Variants in ENKD1 observed in about 807,000 individuals in gnomAD.
The protein encoded by ENKD1 is enkurin domain containing 1.
ENKD1 carries 39 observed loss-of-function variants against 35.8 expected under a neutral mutation model. The ratio of observed to expected loss-of-function variants is 1.09; its 90% CI spans 0.84 to 1.42. ENKD1 has a LOEUF of 1.42. ENKD1 is among the 40% of genes most tolerant of loss of function. ENKD1 has a pLI of 0.00. For missense variants in ENKD1, 474 were observed against 471.3 expected, an observed-to-expected ratio of 1.01 and a Z score of -0.05; for synonymous variants, 205 against 198.6, an observed-to-expected ratio of 1.03 and a Z score of -0.27.
At position 67,663,513 on chromosome 16, in the gene ENKD1, GGGCCTC is replaced by G. The variant is rs752804327; in HGVS notation, c.781_786del (p.Glu261_Ala262del). ...GCAGGGTCCGGCTGGCTCTGCTTGC[GGGCCTC>G]GGCCTCCCGCCGCCACAGGTCCCTG... On this transcript the variant is annotated inframe_deletion, in exon 6 of 7. Coordinates refer to ENST00000243878, the MANE Select transcript of ENKD1 (RefSeq NM_032140.3). 1.2e-6 allele frequency: 2 copies of G among 1,612,160 alleles called. No individual in the cohort carries two copies. Among genetic ancestry groups the G allele is most frequent in the Admixed American group, 3.3e-5 (2 of 60,004 alleles).
At chr16:67,664,527 G>T (rs1471640329) in intron 3 of ENKD1, 2 of 334,948 alleles carry the variant, frequency 6.0e-6, no homozygotes, top group Admixed American at 9.2e-5. Flanking sequence ...ACACATTTGT[G>T]TGACCTTGCC....
At chr16:67,664,466 T>C in intron 3 of ENKD1, 1 of 361,680 alleles carries the variant, frequency 2.8e-6, no homozygotes, top group Non-Finnish European at 5.3e-6. Flanking sequence ...TTCCATCTGC[T>C]TCCTGGACAC....
At chr16:67,664,711 C>T (rs1227687453) in intron 3 of ENKD1, among the ~76,000 whole-genome samples, 3 of 152,212 alleles carry the variant, frequency 2.0e-5, no homozygotes, top group Admixed American at 2.0e-4. Context: ...TCACAGTGAA[C>T]TGTACCTAGC....
chr16:67,663,891 C>G, intron 4 of ENKD1, 46 bp downstream of exon 4: 1 of 1,605,076 alleles, frequency 6.2e-7, no homozygotes, highest in Non-Finnish European at 8.5e-7. Flanking sequence ...CCCCCCACAC[C>G]AGGAGCCCTG....
Position 67,663,505 on chromosome 16 carries a change from C to T in ENKD1, c.795G>A (p.Gln265=). ...LWRREAEARK[Q]SQPDPAMPPG... ...GGGGCATGGCAGGGTCCGGCTGGCT[C>T]TGCTTGCGGGCCTCGGCCTCCCGCC... Residue 265 remains glutamine, a synonymous_variant, in exon 6 of 7, where the codon CAG becomes CAA. Coordinates refer to ENST00000243878, the MANE Select transcript of ENKD1 (RefSeq NM_032140.3). The T allele has an allele frequency of 2.5e-6, 4 of 1,612,548 alleles. No homozygotes were observed. In the South Asian group the frequency reaches 4.4e-5, roughly 18 times the overall value.
chr16:67,663,882 C>G, intron 4 of ENKD1, 55 bp downstream of exon 4: 1 of 1,603,998 alleles, frequency 6.2e-7, no homozygotes, highest in Non-Finnish European at 8.5e-7. Context: ...CTGAACACCC[C>G]CCCCACACCA....
At chr16:67,663,632 CTGAG>C (rs1056823894) in intron 5 of ENKD1, 21 bp downstream of exon 5, 1 of 1,605,398 alleles carries the variant, frequency 6.2e-7, no homozygotes. Flanking sequence ...GTCCTTCACC[CTGAG>C]TGTCGGGCAG....
chr16:67,666,178 C>T lies in ENKD1; in HGVS notation c.173G>A (p.Cys58Tyr). 1 of 1,612,380 alleles carries T rather than the reference C, an allele frequency of 6.2e-7. No homozygotes were observed. The highest frequency in any genetic ancestry group is 2.2e-5 in the East Asian group (1 of 44,886). Residue 58 changes from cysteine to tyrosine, a missense_variant, in exon 2 of 7, where the codon TGC becomes TAC. Coordinates refer to ENST00000243878, the MANE Select transcript of ENKD1 (RefSeq NM_032140.3). ...GATCTCTCCGGCACCGGGACCGATG[C>T]AGGGGCCACGGGGAGCGGTGGTGTC... Reference protein sequence around the residue: ...ALDTTAPRGPCIGPGAGEILE... With the variant: ...ALDTTAPRGPYIGPGAGEILE...
At chr16:67,664,516 A>C (rs879664942) in intron 3 of ENKD1, 1 of 341,448 alleles carries the variant, frequency 2.9e-6, no homozygotes, top group Non-Finnish European at 5.6e-6. Flanking sequence ...CTTCAGCTAC[A>C]ACACATTTGT....
In ENKD1 at chr16:67,663,120, T is replaced by A. The variant is rs1373472182; in HGVS notation, c.*41A>T. The A allele has an allele frequency of 3.1e-6, 5 of 1,610,640 alleles. No individual in the cohort carries two copies. Among genetic ancestry groups the A allele is most frequent in the Non-Finnish European group, 4.2e-6 (5 of 1,178,216 alleles). On this transcript the variant is annotated 3_prime_UTR_variant, in exon 7 of 7. Coordinates refer to ENST00000243878, the MANE Select transcript of ENKD1 (RefSeq NM_032140.3). ...CCTGTCCTTTGCAGCCATGTGGCGA[T>A]CCTCAGCATGGAGCTCCTTGCCACT...
Position 67,666,261 on chromosome 16 carries a change from T to C in ENKD1, c.90A>G (p.Gln30=), listed in dbSNP as rs771343349. ...PDNYRRPTSA[Q]GRLEGNALKL... ...TCAGCGCGTTTCCCTCGAGGCGCCC[T>C]TGAGCTGTGGGGCGGAGCCGGGCGG... is the stretch of plus-strand genomic sequence containing the variant. Residue 30 remains glutamine, a synonymous_variant, in exon 2 of 7, where the codon CAA becomes CAG. Transcript: ENST00000243878. 6.2e-7 allele frequency: 1 copy of C among 1,604,332 alleles called. No individual in the cohort carries two copies. The highest frequency in any genetic ancestry group is 1.7e-5 in the Admixed American group (1 of 59,310).
rs1284589971 is a variant in ENKD1 at position 67,666,393 on chromosome 16, G to A, written c.50C>T (p.Thr17Met). Residue 17 changes from threonine (T) to methionine (M), a missense_variant, in exon 1 of 7, where the codon ACG becomes ATG. Transcript: ENST00000243878. ...RISGPIPPDP[T>M]LCPDNYRRPT... is the part of the protein sequence containing the mutation. ...CCGCCTGTAGTTGTCAGGACAGAGC[G>A]TCGGGTCTGGGGGGATGGGCCCCGA... 2 of 1,571,152 alleles carry A rather than the reference G, an allele frequency of 1.3e-6. No individual in the cohort carries two copies. The highest frequency in any genetic ancestry group is 1.7e-6 in the Non-Finnish European group (2 of 1,165,822).
Position 67,666,429 on chromosome 16 carries a change from G to A in ENKD1, c.14C>T (p.Pro5Leu), listed in dbSNP as rs752541921. The A allele has an allele frequency of 1.0e-5, 16 of 1,536,044 alleles. No homozygotes were observed. The Middle Eastern group carries it at 6.8e-4, about 65-fold the overall frequency. Residue 5 changes from proline (P) to leucine (L), a missense_variant, in exon 1 of 7, where the codon CCG (proline) becomes CTG (leucine). By Grantham distance (98) the Pro-to-Leu change is moderately conservative (BLOSUM62 -3). Transcript: ENST00000243878. ...GGGGATGGGCCCCGAGATGCGGGACGGGCCCTCGCACATGCCGCCGGCGCC... is the reference window on the plus strand; with the variant it reads ...GGGGATGGGCCCCGAGATGCGGGACAGGCCCTCGCACATGCCGCCGGCGCC... MCEG[P>L]SRISGPIPPD...
rs1402922850 is a variant in ENKD1 at position 67,663,602 on chromosome 16, G to T, written c.744-46C>A. 7 of 1,604,114 alleles carry T rather than the reference G, an allele frequency of 4.4e-6. No homozygotes were observed. In the Admixed American group the frequency reaches 1.2e-4, roughly 27 times the overall value. ...AGTTGATGACCCGAGGGCAGAGGTT[G>T]GTTCCCACCCTCCACAGGTGTCCTT... On this transcript the variant is annotated intron_variant, in intron 5 of 6. Transcript: ENST00000243878.
rs1211867318 is a variant in ENKD1, at chr16:67,665,055, C to T, written c.394G>A (p.Ala132Thr). 2 of 1,613,810 alleles carry T rather than the reference C, an allele frequency of 1.2e-6. No homozygotes were observed. The highest frequency in any genetic ancestry group is 1.7e-5 in the Admixed American group (1 of 60,002). ...TCGTACTTGGGTGAGCGCCACAGAG[C>T]TTTCAGGGGCCTGGGCTGGCCCTGC... ...REQGQPRPLK[A>T]LWRSPKYDKV... The change falls in exon 3 of 7, where the codon GCT (alanine) becomes ACT (threonine). Residue 132 changes from alanine to threonine, a missense_variant. Coordinates refer to ENST00000243878, the MANE Select transcript of ENKD1 (RefSeq NM_032140.3).
rs763931231 is a variant in ENKD1 at position 67,663,975 on chromosome 16, A to G, written c.541T>C (p.Ser181Pro). The G allele has an allele frequency of 6.3e-7, 1 of 1,598,932 alleles. No homozygotes were observed. The highest frequency in any genetic ancestry group is 8.5e-7 in the Non-Finnish European group (1 of 1,172,300). The change falls in exon 4 of 7, where the codon TCT becomes CCT. Residue 181 changes from serine to proline, a missense_variant. By Grantham distance (74) the Ser-to-Pro change is moderately conservative. Transcript: ENST00000243878. Reference protein sequence around the residue: ...CGPGLPPPHVSSPQPTPPGPE... With the variant: ...CGPGLPPPHVPSPQPTPPGPE... Reference sequence around the variant, plus strand: ...CCTGGTGGGGTTGGCTGGGGACTAGATACATGGGGTGGTGGGAGGCCAGGG... The same window carrying G: ...CCTGGTGGGGTTGGCTGGGGACTAGGTACATGGGGTGGTGGGAGGCCAGGG...
rs537793832 is a variant in ENKD1 at position 67,663,949 on chromosome 16, A to C, written c.567T>G (p.Gly189=). ...HVSSPQPTPP[G]PEAKEPGLGV... Reference sequence around the variant, plus strand: ...TACATCCTCTCACCTTAGCTTCGGGACCTGGTGGGGTTGGCTGGGGACTAG... The same window carrying C: ...TACATCCTCTCACCTTAGCTTCGGGCCCTGGTGGGGTTGGCTGGGGACTAG... The change falls in exon 4 of 7, where the codon GGT becomes GGG. Residue 189 remains glycine, a synonymous_variant. Transcript: ENST00000243878. 6.2e-7 allele frequency: 1 copy of C among 1,605,072 alleles called. No individual in the cohort carries two copies. The highest frequency in any genetic ancestry group is 1.3e-5 in the African/African-American group (1 of 74,814).
rs970647067 is a variant in ENKD1, at chr16:67,663,445, C to T, written c.855G>A (p.Leu285=). ...TCTGGAGCAGCTTGGTCAGTGTTTC[C>T]AGCCGCTGGTTCTCAGGCATGCGCG... ...GHTRMPENQR[L]ETLTKLLQSQ... Residue 285 remains leucine, a synonymous_variant, in exon 6 of 7, where the codon CTG becomes CTA. Coordinates refer to ENST00000243878, the MANE Select transcript of ENKD1 (RefSeq NM_032140.3). 4 of 1,613,204 alleles carry T rather than the reference C, an allele frequency of 2.5e-6. No homozygotes were observed. In the African/African-American group the frequency reaches 5.3e-5, roughly 22 times the overall value.
Position 67,663,163 on chromosome 16 carries a change from AGTC to A in ENKD1, c.1036_1038del (p.Asp346del). On this transcript the variant is annotated inframe_deletion, in exon 7 of 7. Transcript: ENST00000243878. Reference sequence around the variant, plus strand: ...TTGCCACTGTCCCCCAAAGGGGCTCAGTCGTCCATCTTCACGAAGACTTTGGGC... The same window carrying A: ...TTGCCACTGTCCCCCAAAGGGGCTCAGTCCATCTTCACGAAGACTTTGGGC... 6.2e-7 allele frequency: 1 copy of A among 1,613,942 alleles called. No individual in the cohort carries two copies. The highest frequency in any genetic ancestry group is 8.5e-7 in the Non-Finnish European group (1 of 1,180,004).
Sources: allele counts gnomAD v4.1 joint callset (sites outside exome capture counted in the v4.1 genomes callset), GRCh38; gene constraint gnomAD v4.1.1; transcripts MANE v1.5; gene names NCBI Gene and HGNC (gene_info 2026-07-23, HGNC 2026-07-21).